Variants in EHF observed in about 807,000 individuals in gnomAD.
EHF encodes the protein ETS homologous factor, also known as ESE3 transcription factor.
A neutral mutation model predicts 45.1 loss-of-function variants in EHF; 14 were observed. The observed-to-expected ratio is 0.31, with a 90% CI of 0.21 to 0.49. The LOEUF is 0.49. Ranked by LOEUF, EHF falls within the 20% of genes least tolerant of loss-of-function variation. The pLI is 0.99. For synonymous variants in EHF, 136 were observed against 131.8 expected, an observed-to-expected ratio of 1.03 and a Z score of -0.22; for missense variants, 282 against 371.4, an observed-to-expected ratio of 0.76 and a Z score of 1.98.
chr11:34,651,559 A>C lies in EHF; in HGVS notation c.424A>C (p.Thr142Pro). Residue 142 changes from threonine to proline, a missense_variant, in exon 5 of 9, where the codon ACC becomes CCC. Around this residue, in one of 3 missense-constraint regions of EHF, gnomAD observed 213 missense variants for 247.3 expected, o/e 0.86. Transcript: ENST00000257831. ...TTTTGTAGAGCCTTCCATCATGAAC[A>C]CCTGGAAAGACGAGAACTATTTATA... ...TEQTEPSIMN[T>P]WKDENYLYDT... 6.2e-7 allele frequency: 1 copy of C among 1,613,828 alleles called. No individual in the cohort carries two copies. Among genetic ancestry groups the C allele is most frequent in the Non-Finnish European group, 8.5e-7 (1 of 1,179,814 alleles).
chr11:34,637,038 A>G (rs1590449688), intron 1 of EHF, among the ~76,000 whole-genome samples: 1 of 151,734 alleles, frequency 6.6e-6, no homozygotes, highest in East Asian at 1.9e-4. Context: ...TCAAAAAAAA[A>G]AAAAAAAAAA....
intron 1 of EHF, among the ~76,000 whole-genome samples, chr11:34,625,296 A>C (rs930619253): frequency 4.6e-5 from 7 of 152,174 alleles, no homozygotes; most frequent in Non-Finnish European, 1.0e-4. Context: ...GCTGGTGGGA[A>C]TGTAGAAGTG....
At chr11:34,647,351 C>A (rs534032993) in intron 3 of EHF, among the ~76,000 whole-genome samples, 1 of 152,144 alleles carries the variant, frequency 6.6e-6, no homozygotes, top group African/African-American at 2.4e-5. Context: ...TCTGAGGCTT[C>A]CCCTAGCACA....
intron 1 of EHF, among the ~76,000 whole-genome samples, chr11:34,641,415 T>C (rs1853982589): frequency 6.6e-6 from 1 of 152,108 alleles, no homozygotes; most frequent in Non-Finnish European, 1.5e-5. Flanking sequence ...TCTCCCCCAA[T>C]AGGCCTTACT....
At chr11:34,634,190 A>ATT (rs67887209) in intron 1 of EHF, among the ~76,000 whole-genome samples, 5 of 151,702 alleles carry the variant, frequency 3.3e-5, no homozygotes, top group Non-Finnish European at 5.9e-5. Flanking sequence ...ATGTACATGG[A>ATT]TTTTTTTTTC....
chr11:34,660,052 AG>A lies in EHF; in HGVS notation c.*1122del, dbSNP rs1014739254. On this transcript the variant is annotated 3_prime_UTR_variant, in exon 9 of 9. Coordinates refer to ENST00000257831, the MANE Select transcript of EHF (RefSeq NM_012153.6). Reference sequence around the variant, plus strand: ...ATGGTGGTTTATTCTCAGAAGAAAAAGATATGTAAGGTCTTTTAGCTCCTTA... The same window carrying A: ...ATGGTGGTTTATTCTCAGAAGAAAAAATATGTAAGGTCTTTTAGCTCCTTA... 5 of 152,154 alleles carry A rather than the reference AG, an allele frequency of 3.3e-5. No homozygotes were observed. Among genetic ancestry groups the A allele is most frequent in the Admixed American group, 2.0e-4 (3 of 15,264 alleles). The allele number at this position is 152,154 out of a possible 1,614,324, so 9.4% of individuals were successfully genotyped here.
intron 4 of EHF, among the ~76,000 whole-genome samples, chr11:34,649,863 A>G (rs1411868319): frequency 3.3e-5 from 5 of 152,238 alleles, no homozygotes; most frequent in Admixed American, 6.5e-5. Flanking sequence ...CCCAGTCACC[A>G]AGGACAGAAT....
At chr11:34,627,471 G>T (rs1184958904) in intron 1 of EHF, among the ~76,000 whole-genome samples, 3 of 152,042 alleles carry the variant, frequency 2.0e-5, no homozygotes, top group Non-Finnish European at 1.5e-5. Flanking sequence ...TAAAATTCTT[G>T]ATCATGTCTC....
intron 7 of EHF, 64 bp from the exon 8 acceptor site, chr11:34,658,469 G>C: frequency 2.8e-6 from 4 of 1,413,990 alleles, no homozygotes; most frequent in African/African-American, 1.4e-5. Context: ...CTAACTCAAT[G>C]CTCTCTGCCC....
chr11:34,637,338 T>C (rs2134059975), intron 1 of EHF, among the ~76,000 whole-genome samples: 1 of 152,258 alleles, frequency 6.6e-6, no homozygotes, highest in Admixed American at 6.5e-5. Context: ...AGCAGGCGCA[T>C]GGGGCTGGGA....
chr11:34,651,510 C>T lies in EHF; in HGVS notation c.407-32C>T, dbSNP rs762654243. 48 of 1,524,912 alleles carry T rather than the reference C, an allele frequency of 3.1e-5. No individual in the cohort carries two copies. The Admixed American group carries it at 4.0e-4, about 13-fold the overall frequency. The allele number at this position is 1,524,912 out of a possible 1,614,324, so 94.5% of individuals were successfully genotyped here. A position where few individuals can be genotyped will look rare whatever the true frequency, so the allele number is the denominator to read the frequency against. ...CCTCTTCTCCCTGGGGAAAAGAGAT[C>T]GCTGACTATTCTCCTTCTCTATTTT... On this transcript the variant is annotated intron_variant, in intron 4 of 8. Coordinates refer to ENST00000257831, the MANE Select transcript of EHF (RefSeq NM_012153.6).
chr11:34,621,278 G>A (rs937571739), intron 1 of EHF, 50 bp downstream of exon 1: 2 of 152,200 alleles, frequency 1.3e-5, no homozygotes, highest in African/African-American at 2.4e-5. Context: ...CCAAACACTT[G>A]AGTGGAAAGA....
At chr11:34,626,621 T>C (rs1852398728) in intron 1 of EHF, among the ~76,000 whole-genome samples, 1 of 152,236 alleles carries the variant, frequency 6.6e-6, no homozygotes. Context: ...GTCTTGATCA[T>C]GCCCACTTAG....
chr11:34,622,495 G>C, intron 1 of EHF: 2 of 798,948 alleles, frequency 2.5e-6, no homozygotes, highest in South Asian at 4.0e-5. Context: ...ATTCCACTGG[G>C]GTCAGGGGAA....
chr11:34,635,273 CT>C (rs962752455), intron 1 of EHF, among the ~76,000 whole-genome samples: 1 of 151,992 alleles, frequency 6.6e-6, no homozygotes, highest in Non-Finnish European at 1.5e-5. Context: ...GGAAGGTTCG[CT>C]CTGTATATTT....
At chr11:34,657,021 C>G in intron 7 of EHF, 51 bp downstream of exon 7, 1 of 1,604,536 alleles carries the variant, frequency 6.2e-7, no homozygotes, top group African/African-American at 1.3e-5. Flanking sequence ...TCACATCGGG[C>G]ACATCTGGAG....
chr11:34,638,311 G>C (rs1853651064), intron 1 of EHF, among the ~76,000 whole-genome samples: 1 of 152,178 alleles, frequency 6.6e-6, no homozygotes, highest in Admixed American at 6.5e-5. Flanking sequence ...CATACCACCT[G>C]GGAACAGACA....
intron 1 of EHF, among the ~76,000 whole-genome samples, chr11:34,628,513 C>T (rs1852575522): frequency 6.6e-6 from 1 of 152,180 alleles, no homozygotes; most frequent in African/African-American, 2.4e-5. Context: ...GACTTCTGAA[C>T]AGCGCCAGTT....
rs969786322 is a variant in EHF at position 34,662,284 on chromosome 11, C to T, written c.*3353C>T. ...GTGGAATAAGAGCACAACGGCACAA[C>T]CTTCAAGGACATATTATCTACTATG... On this transcript the variant is annotated 3_prime_UTR_variant, in exon 9 of 9. Coordinates refer to ENST00000257831, the MANE Select transcript of EHF (RefSeq NM_012153.6). 5.9e-5 allele frequency among the ~76,000 whole-genome samples: 9 copies of T among 152,048 alleles called. No individual in the cohort carries two copies. The highest frequency in any genetic ancestry group is 2.0e-4 in the Admixed American group (3 of 15,246).
Sources: allele counts gnomAD v4.1 joint callset (sites outside exome capture counted in the v4.1 genomes callset), GRCh38; gene constraint gnomAD v4.1.1; regional missense constraint gnomAD v4.1.1; transcripts MANE v1.5; gene names NCBI Gene and HGNC (gene_info 2026-07-23, HGNC 2026-07-21).